Variants in FRAS1 observed in about 807,000 individuals in gnomAD.
FRAS1 encodes the protein extracellular matrix organizing protein FRAS1.
FRAS1 carries 290 observed loss-of-function variants against 435.2 expected under a neutral mutation model. The observed-to-expected ratio is 0.67, with a 90% confidence interval of 0.61 to 0.73. The LOEUF (loss-of-function observed/expected upper bound fraction) is 0.73. Among genes scored for constraint, FRAS1 ranks in the 30% least tolerant of loss-of-function variants. The pLI is 0.00. For synonymous variants in FRAS1, 1,800 were observed against 1,851.0 expected (o/e 0.97, Z 0.71); for missense variants, 4,860 against 5,001.5 (o/e 0.97, Z 0.85).
intron 32 of FRAS1, among the ~76,000 whole-genome samples, chr4:78,413,389 G>A (rs928052900): frequency 1.3e-5 from 2 of 152,168 alleles, no homozygotes; most frequent in East Asian, 3.8e-4. Context: ...TCAGGCTTAT[G>A]TCCATGAAAT....
intron 2 of FRAS1, among the ~76,000 whole-genome samples, chr4:78,144,451 A>AGTGTGT (rs144059150): frequency 8.2e-4 from 120 of 146,588 alleles, no homozygotes; most frequent in African/African-American, 2.7e-3. Context: ...TTTTAAAATA[A>AGTGTGT]GTGTGTGTGT....
intron 50 of FRAS1, among the ~76,000 whole-genome samples, chr4:78,469,730 TG>T (rs1719645015): frequency 6.6e-6 from 1 of 151,168 alleles, no homozygotes; most frequent in African/African-American, 2.5e-5. Context: ...ACAGCAAGAA[TG>T]CCACTTGTTG....
chr4:78,315,642 T>C lies in FRAS1; in HGVS notation c.1727T>C (p.Leu576Pro). The stretch of plus-strand genomic sequence containing the variant: ...TGTGGCCCCAGTAGCCCCAGGTGTC[T>C]TACCTGTACTGAGAAGACAGTGCTG... ...DSCGPSSPRC[L>P]TCTEKTVLHD... Residue 576 changes from leucine (L) to proline (P), a missense_variant, in exon 16 of 74, where the codon CTT (leucine) becomes CCT (proline). By Grantham distance (98) the Leu-to-Pro change is moderately conservative. Transcript: ENST00000512123. 6.2e-7 allele frequency: 1 copy of C among 1,613,826 alleles called. No individual in the cohort carries two copies. The highest frequency in any genetic ancestry group is 8.5e-7 in the Non-Finnish European group (1 of 1,179,812).
chr4:78,066,249 A>T (rs4859517), intron 2 of FRAS1, among the ~76,000 whole-genome samples: 18,570 of 152,220 alleles, frequency 0.12, 1,258 homozygotes, highest in Middle Eastern at 0.18. Flanking sequence ...AACACTCAAC[A>T]CACGATTTAC....
At chr4:78,396,819 T>A (rs992317157) in intron 29 of FRAS1, among the ~76,000 whole-genome samples, 28 of 152,340 alleles carry the variant, frequency 1.8e-4, no homozygotes, top group Admixed American at 1.3e-3. Flanking sequence ...TTCTATTGAA[T>A]TTTTCAGTTC....
At chr4:78,518,086 T>C (rs11730668) in intron 66 of FRAS1, among the ~76,000 whole-genome samples, 21,165 of 151,656 alleles carry the variant, frequency 0.14, 1,775 homozygotes, top group Non-Finnish European at 0.2. Context: ...CACTGCATTC[T>C]AGTCTGGGCT....
intron 2 of FRAS1, among the ~76,000 whole-genome samples, chr4:78,086,943 TACCAA>T (rs1450167228): frequency 6.6e-6 from 1 of 152,170 alleles, no homozygotes; most frequent in Non-Finnish European, 1.5e-5. Context: ...ATCATCCTGA[TACCAA>T]AGCCTGGCAG....
chr4:78,407,209 T>C (rs1006783136), intron 30 of FRAS1, among the ~76,000 whole-genome samples: 3 of 152,244 alleles, frequency 2.0e-5, no homozygotes, highest in Non-Finnish European at 4.4e-5. Context: ...GACAGAATTC[T>C]CTCATGAAAA....
chr4:78,176,582 A>G (rs1320765029), intron 2 of FRAS1, among the ~76,000 whole-genome samples: 1 of 152,226 alleles, frequency 6.6e-6, no homozygotes, highest in African/African-American at 2.4e-5. Context: ...AAACATTCCC[A>G]GTTTCTGCAA....
chr4:78,407,942 A>G (rs1404480717), intron 31 of FRAS1, 101 bp downstream of exon 31: 1 of 1,046,106 alleles, frequency 9.6e-7, no homozygotes, highest in East Asian at 2.7e-5. Flanking sequence ...TTGACAGGAA[A>G]TCACATTTGG....
intron 31 of FRAS1, among the ~76,000 whole-genome samples, chr4:78,410,406 AAAATAAAAATAAAT>A (rs1252310386): frequency 6.6e-6 from 1 of 150,876 alleles, no homozygotes; most frequent in African/African-American, 2.4e-5. Context: ...AAAAAAATAA[AAAATAAAAATAAAT>A]AAATAAAAAA....
chr4:78,279,683 T>C (rs2110176537), intron 10 of FRAS1, among the ~76,000 whole-genome samples: 1 of 152,366 alleles, frequency 6.6e-6, no homozygotes, highest in East Asian at 1.9e-4. Flanking sequence ...GAAATATATT[T>C]ATCTTAATCT....
chr4:78,205,397 T>C (rs1723215232), intron 2 of FRAS1, among the ~76,000 whole-genome samples: 1 of 152,110 alleles, frequency 6.6e-6, no homozygotes, highest in Admixed American at 6.6e-5. Flanking sequence ...TCTCACTTTG[T>C]TGCCAAGGCT....
At chr4:78,329,967 C>T (rs1006116287) in intron 18 of FRAS1, among the ~76,000 whole-genome samples, 3 of 151,976 alleles carry the variant, frequency 2.0e-5, no homozygotes, top group Admixed American at 1.3e-4. Context: ...TTTAGTGTGC[C>T]GGAACAGTCA....
At chr4:78,058,604 G>A (rs546592002) in intron 1 of FRAS1, among the ~76,000 whole-genome samples, 50 of 152,260 alleles carry the variant, frequency 3.3e-4, no homozygotes, top group African/African-American at 1.1e-3. Context: ...TGTTCTGGTC[G>A]TGGGCAGTTC....
At chr4:78,200,904 T>A (rs1179571898) in intron 2 of FRAS1, among the ~76,000 whole-genome samples, 1 of 34,598 alleles carries the variant, frequency 2.9e-5, no homozygotes, top group East Asian at 1.6e-3. Context: ...TATAAATACG[T>A]ATATATATAT....
intron 2 of FRAS1, among the ~76,000 whole-genome samples, chr4:78,134,866 G>A (rs931938443): frequency 6.6e-6 from 1 of 152,084 alleles, no homozygotes; most frequent in Non-Finnish European, 1.5e-5. Context: ...CTACTTACTG[G>A]CAGCCATCTA....
intron 14 of FRAS1, among the ~76,000 whole-genome samples, chr4:78,306,124 G>C (rs530100876): frequency 2.4e-4 from 36 of 151,888 alleles, no homozygotes; most frequent in Non-Finnish European, 4.3e-4. Flanking sequence ...ACTTATGAAG[G>C]TTAGTTTGGC....
intron 2 of FRAS1, chr4:78,182,022 AGCCTTCCTGTAAGT>A: frequency 1.3e-6 from 2 of 1,531,902 alleles, no homozygotes; most frequent in Non-Finnish European, 1.7e-6. Context: ...ACACAGCCGA[AGCCTTCCTGTAAGT>A]GCCCAGGCAT....
Sources: allele counts gnomAD v4.1 joint callset (sites outside exome capture counted in the v4.1 genomes callset), GRCh38; gene constraint gnomAD v4.1.1; transcripts MANE v1.5; gene names NCBI Gene and HGNC (gene_info 2026-07-23, HGNC 2026-07-21).